The following JARID2 variants were observed in gnomAD, a reference collection of about 807,000 sequenced individuals.
JARID2 encodes the protein jumonji and AT-rich interaction domain containing 2.
Under a neutral mutation model 125.6 loss-of-function variants are expected in JARID2, and 21 were observed. That is an observed-to-expected ratio of 0.17 (90% CI 0.12 to 0.24). The LOEUF (loss-of-function observed/expected upper bound fraction) is 0.24, where lower values mean the gene tolerates loss of function less well. Ranked by LOEUF, JARID2 falls within the 10% of genes least tolerant of loss-of-function variation. The probability of loss-of-function intolerance (pLI) is 1.00; values close to 1 mark genes in which losing one functional copy is unlikely to be tolerated. For synonymous variants in JARID2, 736 were observed against 661.6 expected (o/e 1.11, Z -1.73); for missense variants, 1,303 against 1,639.6 (o/e 0.79, Z 3.55).
At position 15,372,360 on chromosome 6, in the gene JARID2, A is replaced by G. The variant is rs924507965; in HGVS notation, c.46-1757A>G. On this transcript the variant is annotated intron_variant, in intron 1 of 17. Coordinates refer to ENST00000341776, the MANE Select transcript of JARID2 (RefSeq NM_004973.4). ...TGATTTTACCTGGGATATTAATGTTATTATTATTATTATTTTTAGACAGAG... is the reference window on the plus strand; with the variant it reads ...TGATTTTACCTGGGATATTAATGTTGTTATTATTATTATTTTTAGACAGAG... Among the ~76,000 whole-genome samples the G allele has an allele frequency of 4.7e-5, 7 of 149,736 alleles. No individual in the cohort carries two copies. The South Asian group carries it at 8.3e-4, about 18-fold the overall frequency.
rs373611471 is a variant in JARID2 at position 15,520,554 on chromosome 6, A to AT, written c.*316dup. 0.037 allele frequency: 9,210 copies of AT among 247,528 alleles called. 47 individuals carry two copies. Among genetic ancestry groups the AT allele is most frequent in the South Asian group, 0.047 (1,092 of 22,996 alleles). 15.3% of individuals were successfully genotyped at this position (247,528 alleles called of 1,614,324 possible). On this transcript the variant is annotated 3_prime_UTR_variant, in exon 18 of 18. Transcript: ENST00000341776. ...ACAAAAGCCTTTTTTTTTGGTTTTGATTTTTTTTTTTTTGTAACTGTTGGG... is the reference window on the plus strand; with the variant it reads ...ACAAAAGCCTTTTTTTTTGGTTTTGATTTTTTTTTTTTTTGTAACTGTTGGG...
chr6:15,513,053 AC>A lies in JARID2; in HGVS notation c.3266+13del, dbSNP rs769252969. On this transcript the variant is annotated intron_variant, in intron 15 of 17. Transcript: ENST00000341776. ...CCTCCTGGATGAGCTCAGGTAACAG[AC>A]CCCCAGAGCCCACGCCAGAGAGCTG... The A allele has an allele frequency of 6.2e-7, 1 of 1,613,834 alleles. No homozygotes were observed. Among genetic ancestry groups the A allele is most frequent in the Non-Finnish European group, 8.5e-7 (1 of 1,179,956 alleles).
intron 1 of JARID2, among the ~76,000 whole-genome samples, chr6:15,279,096 A>G (rs1476076495): frequency 7.5e-6 from 1 of 134,064 alleles, no homozygotes; most frequent in African/African-American, 4.1e-5. Flanking sequence ...GTCTCCAAAA[A>G]AAAAAAAAGA....
intron 3 of JARID2, among the ~76,000 whole-genome samples, chr6:15,433,408 C>CTGTG (rs1414027038): frequency 1.9e-3 from 179 of 93,568 alleles, no homozygotes; most frequent in African/African-American, 6.9e-3. Flanking sequence ...CCCCATGTCT[C>CTGTG]TCTGTGTGTG....
intron 1 of JARID2, among the ~76,000 whole-genome samples, chr6:15,360,390 G>C (rs1367733667): frequency 6.6e-6 from 1 of 152,022 alleles, no homozygotes; most frequent in Non-Finnish European, 1.5e-5. Flanking sequence ...TCACCGTGTT[G>C]GCCTGGCTGG....
Position 15,293,811 on chromosome 6 carries a change from A to G in JARID2, c.45+47227A>G, listed in dbSNP as rs1282850417. 2.0e-5 allele frequency among the ~76,000 whole-genome samples: 3 copies of G among 152,228 alleles called. No individual in the cohort carries two copies. In the East Asian group the frequency reaches 5.8e-4, roughly 29 times the overall value. On this transcript the variant is annotated intron_variant, in intron 1 of 17. Coordinates refer to ENST00000341776, the MANE Select transcript of JARID2 (RefSeq NM_004973.4). ...GTTGTTCTGCTTAAGTGGGTATGTC[A>G]TAGCATCTGGCCAACTCCTCTGCTA...
chr6:15,452,077 T>G lies in JARID2; in HGVS notation c.395T>G (p.Ile132Arg). 1 of 1,614,112 alleles carries G rather than the reference T, an allele frequency of 6.2e-7. No homozygotes were observed. The highest frequency in any genetic ancestry group is 8.5e-7 in the Non-Finnish European group (1 of 1,180,012). Reference protein sequence around the residue: ...PNSPSTTPVKIVEPLLPPPAT... With the variant: ...PNSPSTTPVKRVEPLLPPPAT... ...AGTCCCAGCACAACTCCAGTAAAGATAGTGGAGCCATTGCTACCCCCTCCA... is the reference window on the plus strand; with the variant it reads ...AGTCCCAGCACAACTCCAGTAAAGAGAGTGGAGCCATTGCTACCCCCTCCA... The change falls in exon 4 of 18, where the codon ATA becomes AGA. Residue 132 changes from isoleucine (I) to arginine (R), a missense_variant. Coordinates refer to ENST00000341776, the MANE Select transcript of JARID2 (RefSeq NM_004973.4).
At chr6:15,313,737 T>C (rs956907130) in intron 1 of JARID2, among the ~76,000 whole-genome samples, 1 of 152,230 alleles carries the variant, frequency 6.6e-6, no homozygotes, top group African/African-American at 2.4e-5. Flanking sequence ...TAGAAACCTG[T>C]GGAGTTAACT....
intron 1 of JARID2, among the ~76,000 whole-genome samples, chr6:15,321,689 C>T (rs1032770638): frequency 4.1e-5 from 6 of 147,718 alleles, no homozygotes; most frequent in African/African-American, 1.5e-4. Context: ...TTAACAAGAA[C>T]AAACAACAGA....
chr6:15,368,139 G>C (rs1289549221), intron 1 of JARID2, among the ~76,000 whole-genome samples: 1 of 152,082 alleles, frequency 6.6e-6, no homozygotes, highest in Admixed American at 6.5e-5. Flanking sequence ...GTACCTTTTT[G>C]TCTTGTAAAG....
chr6:15,360,547 A>G (rs563912355), intron 1 of JARID2, among the ~76,000 whole-genome samples: 24 of 152,248 alleles, frequency 1.6e-4, no homozygotes, highest in Non-Finnish European at 1.2e-4. Context: ...TAGTGGCTCA[A>G]TCATAGCTCA....
At chr6:15,384,460 C>T (rs541000307) in intron 2 of JARID2, among the ~76,000 whole-genome samples, 9 of 151,694 alleles carry the variant, frequency 5.9e-5, no homozygotes, top group East Asian at 1.9e-4. Flanking sequence ...TTCTGTTGTC[C>T]GCTTGCCCCT....
intron 5 of JARID2, among the ~76,000 whole-genome samples, chr6:15,485,254 CA>C (rs1395391260): frequency 6.6e-6 from 1 of 152,190 alleles, no homozygotes; most frequent in East Asian, 1.9e-4. Context: ...TAAAGGCTCA[CA>C]ACCGATAATC....
At chr6:15,320,182 G>A (rs1428057870) in intron 1 of JARID2, among the ~76,000 whole-genome samples, 2 of 152,188 alleles carry the variant, frequency 1.3e-5, no homozygotes, top group Admixed American at 1.3e-4. Flanking sequence ...AAGAGACTGT[G>A]GTTGTGGATG....
At chr6:15,304,839 A>G (rs1433305161) in intron 1 of JARID2, among the ~76,000 whole-genome samples, 4 of 152,162 alleles carry the variant, frequency 2.6e-5, no homozygotes, top group Non-Finnish European at 4.4e-5. Context: ...AGGGGGCACC[A>G]TCAGGTTGCA....
intron 3 of JARID2, among the ~76,000 whole-genome samples, chr6:15,415,831 C>G (rs1766163086): frequency 6.7e-6 from 1 of 149,454 alleles, no homozygotes; most frequent in Non-Finnish European, 1.5e-5. Context: ...CTGACCCCCC[C>G]ACCTCCCTCC....
chr6:15,511,226 G>C, intron 12 of JARID2, 70 bp from the exon 13 acceptor site: 2 of 1,045,698 alleles, frequency 1.9e-6, no homozygotes, highest in Non-Finnish European at 3.0e-6. Context: ...AGGGTGACGG[G>C]GGTGGCCCAG....
intron 2 of JARID2, among the ~76,000 whole-genome samples, chr6:15,381,614 A>T (rs1295859092): frequency 6.6e-6 from 1 of 152,186 alleles, no homozygotes; most frequent in Non-Finnish European, 1.5e-5. Context: ...AGGAAGCTAC[A>T]TTTGTTGTGG....
intron 2 of JARID2, among the ~76,000 whole-genome samples, chr6:15,401,400 C>G (rs534530865): frequency 6.6e-6 from 1 of 152,196 alleles, no homozygotes; most frequent in Non-Finnish European, 1.5e-5. Context: ...TGAATGCCAT[C>G]CAGCTATAGC....
Sources: allele counts gnomAD v4.1 joint callset (sites outside exome capture counted in the v4.1 genomes callset), GRCh38; gene constraint gnomAD v4.1.1; transcripts MANE v1.5; gene names NCBI Gene and HGNC (gene_info 2026-07-23, HGNC 2026-07-21).